Variants in JAZF1 observed in about 807,000 individuals in gnomAD.
JAZF1 encodes juxtaposed with another zinc finger protein 1.
A neutral mutation model predicts 26.4 loss-of-function variants in JAZF1; 8 were observed. The observed-to-expected ratio is 0.30, with a 90% CI of 0.18 to 0.55. JAZF1 has a LOEUF of 0.55. JAZF1 is among the 20% of genes least tolerant of loss of function. JAZF1 has a pLI of 0.94. For missense variants in JAZF1, 199 were observed against 322.0 expected (o/e 0.62, Z 2.92); for synonymous variants, 126 against 122.3 (o/e 1.03, Z -0.20).
At chr7:27,987,428 C>T (rs1033816997) in intron 2 of JAZF1, among the ~76,000 whole-genome samples, 8 of 152,016 alleles carry the variant, frequency 5.3e-5, no homozygotes, top group East Asian at 1.9e-4. Flanking sequence ...GCAGCCGCCC[C>T]GTCTGGGAAG....
At chr7:28,170,005 A>C (rs925681815) in intron 1 of JAZF1, among the ~76,000 whole-genome samples, 1 of 152,124 alleles carries the variant, frequency 6.6e-6, no homozygotes, top group Non-Finnish European at 1.5e-5. Flanking sequence ...GGATGGCACC[A>C]GGGAAGCATC....
intron 1 of JAZF1, among the ~76,000 whole-genome samples, chr7:28,114,776 T>C (rs908621122): frequency 2.6e-5 from 4 of 151,296 alleles, no homozygotes; most frequent in African/African-American, 7.3e-5. Flanking sequence ...AGAGGTCTAC[T>C]AGATGCTATA....
chr7:27,850,417 G>GTTC (rs1478490014), intron 3 of JAZF1, among the ~76,000 whole-genome samples: 1 of 152,144 alleles, frequency 6.6e-6, no homozygotes, highest in African/African-American at 2.4e-5. Flanking sequence ...ATTGGTTCTG[G>GTTC]TTCTCCAAGC....
At chr7:27,915,823 T>A (rs771812112) in intron 2 of JAZF1, among the ~76,000 whole-genome samples, 72 of 152,362 alleles carry the variant, frequency 4.7e-4, no homozygotes, top group Non-Finnish European at 9.0e-4. Context: ...AAGGCAGCTA[T>A]TAAATTTGAA....
intron 3 of JAZF1, among the ~76,000 whole-genome samples, chr7:27,876,463 T>G (rs2063720617): frequency 6.6e-6 from 1 of 152,142 alleles, no homozygotes; most frequent in Non-Finnish European, 1.5e-5. Context: ...CACGTTTCCA[T>G]TTTCCAGTCC....
chr7:28,023,407 T>C (rs1417992971), intron 1 of JAZF1, among the ~76,000 whole-genome samples: 2 of 152,348 alleles, frequency 1.3e-5, no homozygotes, highest in African/African-American at 4.8e-5. Flanking sequence ...GATTTTCCAA[T>C]TATGTTTGCA....
intron 3 of JAZF1, among the ~76,000 whole-genome samples, chr7:27,880,109 G>C (rs1458939310): frequency 1.3e-5 from 2 of 152,106 alleles, no homozygotes; most frequent in East Asian, 3.9e-4. Flanking sequence ...TACCCTCCTT[G>C]CTTGACAGAA....
At chr7:28,147,072 G>A (rs1247649504) in intron 1 of JAZF1, among the ~76,000 whole-genome samples, 1 of 151,890 alleles carries the variant, frequency 6.6e-6, no homozygotes, top group Admixed American at 6.6e-5. Flanking sequence ...TTGTCAGGCT[G>A]GTTCAAACTC....
At chr7:27,985,559 T>C (rs546965012) in intron 2 of JAZF1, among the ~76,000 whole-genome samples, 1 of 152,302 alleles carries the variant, frequency 6.6e-6, no homozygotes, top group South Asian at 2.1e-4. Context: ...TCTGAAACTA[T>C]TCCAATCAAT....
intron 2 of JAZF1, among the ~76,000 whole-genome samples, chr7:27,986,218 C>G (rs934462477): frequency 5.9e-5 from 9 of 152,166 alleles, no homozygotes; most frequent in Non-Finnish European, 8.8e-5. Context: ...AAAACCCCAT[C>G]GTCTCAGCCC....
intron 2 of JAZF1, among the ~76,000 whole-genome samples, chr7:27,967,160 G>A (rs925754060): frequency 1.3e-5 from 2 of 152,124 alleles, no homozygotes; most frequent in South Asian, 4.1e-4. Flanking sequence ...CATTTGAGGT[G>A]GGGGAAAGAA....
chr7:27,933,298 C>T (rs925173856), intron 2 of JAZF1, among the ~76,000 whole-genome samples: 4 of 152,114 alleles, frequency 2.6e-5, no homozygotes, highest in Non-Finnish European at 5.9e-5. Context: ...CACTAGCTGA[C>T]CAATAACTGC....
chr7:27,943,517 C>A (rs1784880706), intron 2 of JAZF1, among the ~76,000 whole-genome samples: 1 of 152,230 alleles, frequency 6.6e-6, no homozygotes, highest in South Asian at 2.1e-4. Flanking sequence ...TCTTCCCCGA[C>A]ACCTCGGGCC....
chr7:28,175,434 T>A (rs1783534564), intron 1 of JAZF1, among the ~76,000 whole-genome samples: 1 of 152,220 alleles, frequency 6.6e-6, no homozygotes, highest in Non-Finnish European at 1.5e-5. Flanking sequence ...AACTAGATGA[T>A]GTAGACAACT....
chr7:28,092,485 A>G (rs117959586), intron 1 of JAZF1, among the ~76,000 whole-genome samples: 3,127 of 141,164 alleles, frequency 0.022, 49 homozygotes, highest in Non-Finnish European at 0.032. Context: ...TTAAAAGTAT[A>G]TAAAAAATTA....
intron 3 of JAZF1, among the ~76,000 whole-genome samples, chr7:27,861,422 T>C (rs57088391): frequency 0.21 from 31,711 of 152,026 alleles, 3,543 homozygotes; most frequent in Middle Eastern, 0.3. Flanking sequence ...TTCTGTTTTC[T>C]AAATCTCTGA....
chr7:28,032,466 G>A (rs570298977), intron 1 of JAZF1, among the ~76,000 whole-genome samples: 1 of 152,248 alleles, frequency 6.6e-6, no homozygotes, highest in East Asian at 1.9e-4. Flanking sequence ...GCTCTGCTGT[G>A]CCTTGCTGAA....
At chr7:27,867,606 GC>G (rs1562772088) in intron 3 of JAZF1, among the ~76,000 whole-genome samples, 1 of 152,208 alleles carries the variant, frequency 6.6e-6, no homozygotes, top group Non-Finnish European at 1.5e-5. Context: ...AACCATCAGG[GC>G]TGCATTTCAA....
chr7:27,832,720 G>T lies in JAZF1; in HGVS notation c.*80C>A. On this transcript the variant is annotated 3_prime_UTR_variant, in exon 5 of 5. Transcript: ENST00000283928. ...CTTTTTCTTTAAAGGGTTGCTGAATGCTTCCCCTGAAAAAAGGTGGCTGTT... is the reference window on the plus strand; with the variant it reads ...CTTTTTCTTTAAAGGGTTGCTGAATTCTTCCCCTGAAAAAAGGTGGCTGTT... 1.7e-6 allele frequency: 2 copies of T among 1,173,798 alleles called. No individual in the cohort carries two copies. The highest frequency in any genetic ancestry group is 1.2e-6 in the Non-Finnish European group (1 of 854,040). 72.7% of individuals were successfully genotyped at this position (1,173,798 alleles called of 1,614,324 possible). A position where few individuals can be genotyped will look rare whatever the true frequency, so the allele number is the denominator to read the frequency against.
Sources: gnomAD v4.1 joint callset for allele counts (sites outside exome capture counted in the v4.1 genomes callset) on GRCh38, gnomAD v4.1.1 for gene constraint, MANE v1.5 for transcripts, NCBI Gene and HGNC (gene_info 2026-07-23, HGNC 2026-07-21) for gene names.